FAM227B: variants seen among roughly 807,000 people sequenced by gnomAD.
FAM227B encodes protein FAM227B.
A neutral mutation model predicts 73.8 loss-of-function variants in FAM227B; 88 were observed. The ratio of observed to expected loss-of-function variants is 1.19; its 90% CI spans 1.00 to 1.42. FAM227B has a LOEUF of 1.42. Ranked by LOEUF, FAM227B falls within the 40% of genes most tolerant of loss-of-function variation. FAM227B has a pLI of 0.00. For missense variants in FAM227B, 632 were observed against 590.9 expected (o/e 1.07, Z -0.72); for synonymous variants, 210 against 190.5 (o/e 1.10, Z -0.84).
intron 5 of FAM227B, among the ~76,000 whole-genome samples, chr15:49,581,087 TAGAG>T (rs2075780794): frequency 6.6e-6 from 1 of 152,220 alleles, no homozygotes; most frequent in Non-Finnish European, 1.5e-5. Flanking sequence ...CAAATCTCGT[TAGAG>T]AGGCCAAAAT....
At chr15:49,402,404 T>A (rs2048229664) in intron 11 of FAM227B, among the ~76,000 whole-genome samples, 1 of 152,222 alleles carries the variant, frequency 6.6e-6, no homozygotes, top group African/African-American at 2.4e-5. Context: ...ATTCTGTCTA[T>A]CCATGAGCAT....
intron 11 of FAM227B, among the ~76,000 whole-genome samples, chr15:49,382,680 A>C (rs2046619963): frequency 6.6e-6 from 1 of 152,120 alleles, no homozygotes; most frequent in Admixed American, 6.5e-5. Context: ...AAACAAGGAC[A>C]TCTTATTCAT....
At chr15:49,368,708 G>A (rs891747126) in intron 12 of FAM227B, among the ~76,000 whole-genome samples, 24 of 152,282 alleles carry the variant, frequency 1.6e-4, no homozygotes, top group African/African-American at 5.8e-4. Context: ...AAATTTGCCT[G>A]TCTAGATAGT....
chr15:49,462,129 T>C (rs2053854359), intron 11 of FAM227B, among the ~76,000 whole-genome samples: 1 of 151,746 alleles, frequency 6.6e-6, no homozygotes, highest in Non-Finnish European at 1.5e-5. Context: ...AAAAAAAAAA[T>C]TGTATTTAAA....
In FAM227B at chr15:49,327,847, T is replaced by C; in HGVS notation, c.*721A>G. The C allele has an allele frequency of 9.5e-7, 1 of 1,048,228 alleles. No homozygotes were observed. Among genetic ancestry groups the C allele is most frequent in the South Asian group, 1.8e-5 (1 of 54,618 alleles). 64.9% of individuals were successfully genotyped at this position (1,048,228 alleles called of 1,614,324 possible). A position where few individuals can be genotyped will look rare whatever the true frequency, so the allele number is the denominator to read the frequency against. The stretch of plus-strand genomic sequence containing the variant: ...TGATGACACCTAAAAACCCCGCATG[T>C]ATTTTCTTCTTAGAACTTAGATAGG... On this transcript the variant is annotated 3_prime_UTR_variant, in exon 16 of 16. Coordinates refer to ENST00000299338, the MANE Select transcript of FAM227B (RefSeq NM_152647.3).
intron 11 of FAM227B, among the ~76,000 whole-genome samples, chr15:49,482,097 T>C (rs1238295312): frequency 6.6e-6 from 1 of 152,190 alleles, no homozygotes; most frequent in Non-Finnish European, 1.5e-5. Context: ...ATTGACACTT[T>C]GACTTTTCTT....
chr15:49,588,107 G>A, intron 4 of FAM227B, 24 bp from the exon 5 acceptor site: 3 of 1,308,998 alleles, frequency 2.3e-6, no homozygotes, highest in Non-Finnish European at 3.1e-6. Context: ...AGAATTCACA[G>A]TATATATATT....
chr15:49,424,146 G>C, intron 11 of FAM227B: 1 of 632,520 alleles, frequency 1.6e-6, no homozygotes, highest in Non-Finnish European at 2.7e-6. Context: ...GGAACTAAAA[G>C]GATAAGGCTA....
At chr15:49,335,217 C>T (rs996282311) in intron 14 of FAM227B, among the ~76,000 whole-genome samples, 6 of 152,148 alleles carry the variant, frequency 3.9e-5, no homozygotes, top group Non-Finnish European at 8.8e-5. Context: ...TCCTTCCTTT[C>T]TTCTGTCCCT....
intron 3 of FAM227B, among the ~76,000 whole-genome samples, chr15:49,594,229 T>G (rs943541058): frequency 6.6e-6 from 1 of 152,208 alleles, no homozygotes; most frequent in African/African-American, 2.4e-5. Flanking sequence ...TATCTTCTTT[T>G]GAGAATTGTC....
rs115900382 is a variant in FAM227B at position 49,333,372 on chromosome 15, G to A, written c.1350-1523C>T. Among the ~76,000 whole-genome samples, 1,124 of 152,164 alleles carry A rather than the reference G, an allele frequency of 7.4e-3. 16 individuals are homozygous for A. Among genetic ancestry groups the A allele is most frequent in the African/African-American group, 0.022 (926 of 41,518 alleles). ...ACGTGAGATTTATATATCCAAATAT[G>A]TATGTTTCAACAATGTGCCATTGCA... On this transcript the variant is annotated intron_variant, in intron 14 of 15. Transcript: ENST00000299338.
chr15:49,480,786 C>A (rs2055876835), intron 11 of FAM227B, among the ~76,000 whole-genome samples: 1 of 151,958 alleles, frequency 6.6e-6, no homozygotes, highest in African/African-American at 2.4e-5. Context: ...TCCAGCCATC[C>A]CCTTTGTAAA....
intron 2 of FAM227B, among the ~76,000 whole-genome samples, chr15:49,612,208 C>T (rs1008253244): frequency 6.6e-6 from 1 of 152,030 alleles, no homozygotes; most frequent in African/African-American, 2.4e-5. Flanking sequence ...CGTCATTTAA[C>T]ATTAGGTATA....
intron 13 of FAM227B, among the ~76,000 whole-genome samples, chr15:49,345,497 A>C (rs1311854990): frequency 1.3e-5 from 2 of 152,264 alleles, no homozygotes; most frequent in African/African-American, 4.8e-5. Flanking sequence ...ACTTATAACT[A>C]TAAATTTTTT....
At chr15:49,338,533 A>G (rs933379294) in intron 13 of FAM227B, among the ~76,000 whole-genome samples, 1 of 152,122 alleles carries the variant, frequency 6.6e-6, no homozygotes, top group Non-Finnish European at 1.5e-5. Flanking sequence ...GGGTAACCCA[A>G]CCTTTCTCTC....
intron 10 of FAM227B, among the ~76,000 whole-genome samples, chr15:49,532,156 G>A (rs1008810114): frequency 6.6e-6 from 1 of 151,070 alleles, no homozygotes; most frequent in Non-Finnish European, 1.5e-5. Context: ...TGGGGTTTTT[G>A]AATGGCTTGG....
At position 49,459,334 on chromosome 15, in the gene FAM227B, A is replaced by G. The variant is rs1444251173; in HGVS notation, c.1012+48877T>C. On this transcript the variant is annotated intron_variant, in intron 11 of 15. Coordinates refer to ENST00000299338, the MANE Select transcript of FAM227B (RefSeq NM_152647.3). The stretch of plus-strand genomic sequence containing the variant: ...GAGCAGCACACCATGTGATGCCTAC[A>G]ACAAATTCAAAAACTCTCTTAGAAT... Among the ~76,000 whole-genome samples, 11 of 152,350 alleles carry G rather than the reference A, an allele frequency of 7.2e-5. No homozygotes were observed. In the East Asian group the frequency reaches 1.7e-3, roughly 24 times the overall value.
intron 11 of FAM227B, among the ~76,000 whole-genome samples, chr15:49,432,500 T>C (rs1268094796): frequency 6.6e-6 from 1 of 151,692 alleles, no homozygotes; most frequent in Non-Finnish European, 1.5e-5. Flanking sequence ...ACACTCCTCC[T>C]CTCCCTCACC....
intron 11 of FAM227B, chr15:49,425,378 C>T (rs1050560335): frequency 1.3e-5 from 2 of 151,870 alleles, no homozygotes; most frequent in Admixed American, 1.3e-4. Flanking sequence ...TTGTGTTTTG[C>T]ATTTAATGGT....
Sources: allele counts gnomAD v4.1 joint callset (sites outside exome capture counted in the v4.1 genomes callset), GRCh38; gene constraint gnomAD v4.1.1; transcripts MANE v1.5; gene names NCBI Gene and HGNC (gene_info 2026-07-23, HGNC 2026-07-21).